PHLPP1: variants seen among roughly 807,000 people sequenced by gnomAD.
The protein encoded by PHLPP1 is PH domain and leucine rich repeat protein phosphatase 1.
A neutral mutation model predicts 117.2 loss-of-function variants in PHLPP1; 42 were observed. That is an observed-to-expected ratio of 0.36 (90% CI 0.28 to 0.46). The LOEUF (loss-of-function observed/expected upper bound fraction) is 0.46. Among genes scored for constraint, PHLPP1 ranks in the 20% least tolerant of loss-of-function variants. The pLI is 1.00. For missense variants in PHLPP1, 2,084 were observed against 2,241.9 expected (o/e 0.93, Z 1.42); for synonymous variants, 1,042 against 970.7 (o/e 1.07, Z -1.37).
chr18:62,951,934 C>G (rs561658704), intron 12 of PHLPP1, among the ~76,000 whole-genome samples: 1 of 151,750 alleles, frequency 6.6e-6, no homozygotes, highest in African/African-American at 2.4e-5. Flanking sequence ...CCTGCCTCAG[C>G]CTCCCGAGTA....
chr18:62,826,723 C>T (rs1914622511), intron 1 of PHLPP1, among the ~76,000 whole-genome samples: 1 of 152,082 alleles, frequency 6.6e-6, no homozygotes, highest in African/African-American at 2.4e-5. Context: ...CAGAGGCCAT[C>T]CGGGCGCGGT....
rs1009224743 is a variant in PHLPP1 at position 62,784,550 on chromosome 18, T to A, written c.1577-45485T>A. Among the ~76,000 whole-genome samples, 5 of 152,162 alleles carry A rather than the reference T, an allele frequency of 3.3e-5. No homozygotes were observed. In the East Asian group the frequency reaches 9.6e-4, roughly 29 times the overall value. ...GAAGGCCAACTTGCAGTTAAGTGAG[T>A]GGTGCAAAATCAGAAACTGCTAAAG... On this transcript the variant is annotated intron_variant, in intron 1 of 16. Transcript: ENST00000262719.
intron 4 of PHLPP1, among the ~76,000 whole-genome samples, chr18:62,892,679 A>G (rs1349423277): frequency 6.6e-6 from 1 of 151,656 alleles, no homozygotes; most frequent in African/African-American, 2.4e-5. Flanking sequence ...GATCGAGACC[A>G]TCCTGGCCAA....
chr18:62,947,811 A>G (rs1347317060), intron 12 of PHLPP1, among the ~76,000 whole-genome samples: 2 of 151,232 alleles, frequency 1.3e-5, no homozygotes, highest in Non-Finnish European at 2.9e-5. Context: ...GTGGATCATG[A>G]GGTCAGGAGT....
chr18:62,965,256 T>C (rs117522612), intron 14 of PHLPP1, among the ~76,000 whole-genome samples: 286 of 152,220 alleles, frequency 1.9e-3, no homozygotes, highest in Middle Eastern at 3.4e-3. Flanking sequence ...TGTCAATAGT[T>C]ATTTAAACAC....
At chr18:62,975,302 C>T (rs1911156042) in intron 15 of PHLPP1, 95 bp from the exon 16 acceptor site, 1 of 794,560 alleles carries the variant, frequency 1.3e-6, no homozygotes, top group Admixed American at 1.9e-5. Flanking sequence ...TGTCTCCTTC[C>T]TGGCCCTGTC....
intron 1 of PHLPP1, among the ~76,000 whole-genome samples, chr18:62,793,718 A>C (rs999043247): frequency 6.6e-6 from 1 of 152,322 alleles, no homozygotes; most frequent in East Asian, 1.9e-4. Context: ...AACTTGCCCA[A>C]ATTCACACAC....
At chr18:62,823,149 A>G (rs1599066118) in intron 1 of PHLPP1, among the ~76,000 whole-genome samples, 1 of 152,242 alleles carries the variant, frequency 6.6e-6, no homozygotes, top group African/African-American at 2.4e-5. Context: ...CACAAAAACC[A>G]CTAACTATAA....
chr18:62,922,218 C>T (rs1467005625), intron 10 of PHLPP1, among the ~76,000 whole-genome samples: 2 of 152,134 alleles, frequency 1.3e-5, no homozygotes, highest in South Asian at 4.1e-4. Context: ...CTCATTGCAA[C>T]CTCCACCTCC....
At chr18:62,762,636 A>T (rs543810792) in intron 1 of PHLPP1, among the ~76,000 whole-genome samples, 18 of 151,504 alleles carry the variant, frequency 1.2e-4, no homozygotes, top group African/African-American at 4.4e-4. Flanking sequence ...CTGGTCTCGA[A>T]CTCCTGACCT....
intron 10 of PHLPP1, among the ~76,000 whole-genome samples, chr18:62,932,621 A>T (rs908041625): frequency 6.6e-5 from 10 of 152,210 alleles, no homozygotes; most frequent in Non-Finnish European, 1.2e-4. Flanking sequence ...GTACCTCAAA[A>T]TAATAAGAGC....
At chr18:62,853,086 G>C (rs1915400468) in intron 3 of PHLPP1, among the ~76,000 whole-genome samples, 1 of 152,160 alleles carries the variant, frequency 6.6e-6, no homozygotes, top group Non-Finnish European at 1.5e-5. Context: ...AGAAATGTGT[G>C]GCCACCCATT....
rs770253633 is a variant in PHLPP1, at chr18:62,978,936, C to T, written c.4659C>T (p.Ile1553=). 5.6e-6 allele frequency: 9 copies of T among 1,608,524 alleles called. No individual in the cohort carries two copies. In the Admixed American group the frequency reaches 8.5e-5, roughly 15 times the overall value. ...TTGACAGTGACGATGAGGAGCCCAT[C>T]GAGGGCGTCTTCACCAACGGCAGCC... is the stretch of plus-strand genomic sequence containing the variant. ...NGLDSDDEEP[I]EGVFTNGSRV... Residue 1553 remains isoleucine (I), a synonymous_variant, in exon 17 of 17, where the codon ATC becomes ATT. Transcript: ENST00000262719. The surrounding 1 kb of genome is among the most constrained non-coding windows in gnomAD (Gnocchi z 7.0).
intron 10 of PHLPP1, among the ~76,000 whole-genome samples, chr18:62,931,878 GAAA>G (rs61550621): frequency 1.3e-4 from 10 of 76,466 alleles, no homozygotes; most frequent in Admixed American, 2.9e-4. Context: ...CTGGGCGACA[GAAA>G]AAAAAAAAAA....
In PHLPP1 at chr18:62,978,249, C is replaced by G; in HGVS notation, c.3985-13C>G. The G allele has an allele frequency of 1.4e-5, 21 of 1,544,796 alleles. No homozygotes were observed. The highest frequency in any genetic ancestry group is 1.9e-5 in the Non-Finnish European group (21 of 1,126,398). On this transcript the variant is annotated splice_polypyrimidine_tract_variant and intron_variant, in intron 16 of 16. Coordinates refer to ENST00000262719, the MANE Select transcript of PHLPP1 (RefSeq NM_194449.4). The surrounding 1 kb of genome is among the most constrained non-coding windows in gnomAD (Gnocchi z 7.0). Reference sequence around the variant, plus strand: ...TGTATTAACTGTCTGTCTGCAAACCCTTGTTCTTCCAGGATGGCAAGGTGA... The same window carrying G: ...TGTATTAACTGTCTGTCTGCAAACCGTTGTTCTTCCAGGATGGCAAGGTGA...
chr18:62,817,957 C>T lies in PHLPP1; in HGVS notation c.1577-12078C>T, dbSNP rs150919161. On this transcript the variant is annotated intron_variant, in intron 1 of 16. Transcript: ENST00000262719. ...GCAACCTCCGCCTCCCAGGTTCAAG[C>T]GATTCTCCTGCCTCAGCCTCCCGAG... 3.7e-4 allele frequency among the ~76,000 whole-genome samples: 55 copies of T among 149,390 alleles called. No individual in the cohort carries two copies. In the East Asian group the frequency reaches 7.6e-3, roughly 21 times the overall value.
chr18:62,860,610 G>A lies in PHLPP1; in HGVS notation c.2066+9G>A, dbSNP rs192314431. The A allele has an allele frequency of 3.5e-4, 564 of 1,607,736 alleles. 1 individual carries two copies. In the African/African-American group the frequency reaches 6.8e-3, roughly 19 times the overall value. On this transcript the variant is annotated intron_variant, in intron 4 of 16. Transcript: ENST00000262719. ...CTTAATGAACTGCAAAGGTAAGCCTGCAGAAATGGGTAGATCATTAGGAAG... is the reference window on the plus strand; with the variant it reads ...CTTAATGAACTGCAAAGGTAAGCCTACAGAAATGGGTAGATCATTAGGAAG...
At chr18:62,802,700 T>C (rs543676229) in intron 1 of PHLPP1, among the ~76,000 whole-genome samples, 1 of 152,282 alleles carries the variant, frequency 6.6e-6, no homozygotes, top group South Asian at 2.1e-4. Context: ...TTTTCTACTG[T>C]GTGAAAACAC....
intron 1 of PHLPP1, among the ~76,000 whole-genome samples, chr18:62,770,412 C>T (rs1912722489): frequency 6.6e-6 from 1 of 152,086 alleles, no homozygotes; most frequent in South Asian, 2.1e-4. Flanking sequence ...GCCCGGCCTA[C>T]TCTGGTTAAC....
Sources: gnomAD v4.1 joint callset for allele counts (sites outside exome capture counted in the v4.1 genomes callset) on GRCh38, gnomAD v4.1.1 for gene constraint, Gnocchi (gnomAD v3.1) non-coding constraint, MANE v1.5 for transcripts, NCBI Gene and HGNC (gene_info 2026-07-23, HGNC 2026-07-21) for gene names.